XNDC1N: variants seen among roughly 807,000 people sequenced by gnomAD.
XNDC1N encodes the protein XRCC1 N-terminal domain containing 1, N-terminal like, also known as protein XNDC1N.
At chr11:71,896,375 G>C in the XNDC1N span, among the ~76,000 whole-genome samples, 16 of 152,368 alleles carry the variant, frequency 1.1e-4, no homozygotes, top group African/African-American at 3.8e-4. Flanking sequence ...ATGAAGAAAA[G>C]TGGATAATTG....
chr11:71,918,253 T>C, the XNDC1N span, among the ~76,000 whole-genome samples: 3 of 152,204 alleles, frequency 2.0e-5, no homozygotes, highest in South Asian at 6.2e-4. Context: ...CACAGATATT[T>C]ACAGGTGTAT....
At chr11:71,889,654 C>A in the XNDC1N span, among the ~76,000 whole-genome samples, 2 of 152,180 alleles carry the variant, frequency 1.3e-5, no homozygotes, top group Non-Finnish European at 2.9e-5. Flanking sequence ...CTACATCTCG[C>A]CTTTGTCTGC....
At chr11:71,880,870 G>C in the XNDC1N span, among the ~76,000 whole-genome samples, 1 of 151,960 alleles carries the variant, frequency 6.6e-6, no homozygotes, top group Non-Finnish European at 1.5e-5. Context: ...TTTTTGTCTA[G>C]AATATACTTG....
the XNDC1N span, among the ~76,000 whole-genome samples, chr11:71,902,120 T>G: frequency 6.6e-6 from 1 of 152,132 alleles, no homozygotes; most frequent in Non-Finnish European, 1.5e-5. Context: ...TATATGTTAA[T>G]GATTGAATTG....
At chr11:71,915,477 G>A in the XNDC1N span, among the ~76,000 whole-genome samples, 5 of 151,434 alleles carry the variant, frequency 3.3e-5, no homozygotes, top group Middle Eastern at 3.4e-3. Flanking sequence ...AAAAGATTAC[G>A]ACTCACTGAA....
At chr11:71,889,781 A>G in the XNDC1N span, among the ~76,000 whole-genome samples, 1 of 152,148 alleles carries the variant, frequency 6.6e-6, no homozygotes, top group Non-Finnish European at 1.5e-5. Flanking sequence ...GAAGGTCTCC[A>G]AGTGGACTTC....
chr11:71,909,467 G>C, the XNDC1N span, among the ~76,000 whole-genome samples: 1 of 152,154 alleles, frequency 6.6e-6, no homozygotes, highest in Non-Finnish European at 1.5e-5. Flanking sequence ...AGAAAACAAG[G>C]TGACTCAGAG....
the XNDC1N span, among the ~76,000 whole-genome samples, chr11:71,904,842 A>C: frequency 6.6e-6 from 1 of 151,940 alleles, no homozygotes; most frequent in Non-Finnish European, 1.5e-5. Flanking sequence ...TGCCCCTAGG[A>C]TGTTAAGAAT....
the XNDC1N span, among the ~76,000 whole-genome samples, chr11:71,866,975 A>G: frequency 6.6e-6 from 1 of 152,234 alleles, no homozygotes; most frequent in East Asian, 1.9e-4. Flanking sequence ...ATCACTAGAA[A>G]AAGATTGCAA....
the XNDC1N span, among the ~76,000 whole-genome samples, chr11:71,914,738 A>G: frequency 3.9e-5 from 6 of 152,136 alleles, no homozygotes; most frequent in Non-Finnish European, 7.3e-5. Context: ...GAAATGGAAC[A>G]TGAGGATGTG....
chr11:71,872,537 C>A, the XNDC1N span, among the ~76,000 whole-genome samples: 1 of 139,660 alleles, frequency 7.2e-6, no homozygotes, highest in East Asian at 2.1e-4. Context: ...TCCTGGCTAA[C>A]AGGAGGAAAC....
chr11:71,873,430 A>T, the XNDC1N span, among the ~76,000 whole-genome samples: 3 of 152,128 alleles, frequency 2.0e-5, no homozygotes, highest in African/African-American at 7.2e-5. Flanking sequence ...AATATATCTT[A>T]TTGTTATTGA....
chr11:71,922,875 G>T, the XNDC1N span, among the ~76,000 whole-genome samples: 1 of 152,158 alleles, frequency 6.6e-6, no homozygotes, highest in Middle Eastern at 3.2e-3. Context: ...CAGGGCCTAG[G>T]ATCTAGCTCT....
At chr11:71,887,123 C>G in the XNDC1N span, among the ~76,000 whole-genome samples, 7 of 152,222 alleles carry the variant, frequency 4.6e-5, no homozygotes, top group African/African-American at 9.6e-5. Context: ...CCTCTGGTCA[C>G]AATGACAGTC....
At chr11:71,917,083 G>C in the XNDC1N span, 2 of 250,020 alleles carry the variant, frequency 8.0e-6, no homozygotes, top group Non-Finnish European at 1.6e-5. Flanking sequence ...GCCCAATCTT[G>C]GCTCATTGTA....
chr11:71,896,892 GTTGT>G, the XNDC1N span, among the ~76,000 whole-genome samples: 4 of 151,624 alleles, frequency 2.6e-5, no homozygotes, highest in African/African-American at 4.9e-5. Flanking sequence ...GTTGTCAGTT[GTTGT>G]TTGTTTGTTT....
At chr11:71,923,847 G>A in the XNDC1N span, among the ~76,000 whole-genome samples, 1 of 152,202 alleles carries the variant, frequency 6.6e-6, no homozygotes, top group Non-Finnish European at 1.5e-5. Context: ...GAGCCACTGT[G>A]CCTGGCCGAG....
chr11:71,875,273 A>C, the XNDC1N span, among the ~76,000 whole-genome samples: 2 of 142,722 alleles, frequency 1.4e-5, no homozygotes, highest in Non-Finnish European at 3.0e-5. Context: ...GTGAATCACA[A>C]GAATAAGAGA....
At chr11:71,928,418 A>T in the XNDC1N span, 1 of 700,056 alleles carries the variant, frequency 1.4e-6, no homozygotes, top group African/African-American at 1.8e-5. Context: ...GGACCACCAA[A>T]CCTATTCTCC....
Sources: allele counts gnomAD v4.1 joint callset (sites outside exome capture counted in the v4.1 genomes callset), GRCh38; gene constraint gnomAD v4.1.1; transcripts MANE v1.5; gene names NCBI Gene and HGNC (gene_info 2026-07-23, HGNC 2026-07-21).